Variants in LIPC observed in about 807,000 individuals in gnomAD.
LIPC encodes the protein hepatic triacylglycerol lipase.
LIPC carries 44 observed loss-of-function variants against 50.7 expected under a neutral mutation model. The observed-to-expected ratio is 0.87, with a 90% CI of 0.68 to 1.11. The LOEUF (loss-of-function observed/expected upper bound fraction) is 1.11. Ranked by LOEUF, LIPC falls within the 50% of genes most tolerant of loss-of-function variation. LIPC has a pLI of 0.00. For synonymous variants in LIPC, 271 were observed against 256.4 expected (o/e 1.06, Z -0.54); for missense variants, 697 against 648.2 (o/e 1.08, Z -0.82).
chr15:58,537,671 C>T (rs1893177136), intron 1 of LIPC, among the ~76,000 whole-genome samples: 1 of 152,282 alleles, frequency 6.6e-6, no homozygotes, highest in Non-Finnish European at 1.5e-5. Context: ...AACACACACA[C>T]ACACTCAATC....
At chr15:58,493,016 C>T (rs1239747112) in intron 1 of LIPC, among the ~76,000 whole-genome samples, 3 of 152,114 alleles carry the variant, frequency 2.0e-5, no homozygotes, top group Non-Finnish European at 1.5e-5. Flanking sequence ...GCCAGGTGCT[C>T]TTCCATTCTC....
chr15:58,441,248 T>C (rs1331220192), intron 1 of LIPC, among the ~76,000 whole-genome samples: 1 of 152,242 alleles, frequency 6.6e-6, no homozygotes, highest in Non-Finnish European at 1.5e-5. Flanking sequence ...TATGAATTGC[T>C]ATGCTTAACA....
chr15:58,566,535 T>A (rs1157065708), intron 8 of LIPC: 4 of 792,826 alleles, frequency 5.0e-6, no homozygotes, highest in Non-Finnish European at 6.1e-6. Context: ...ATGGGAACAT[T>A]AAACTCTACA....
chr15:58,471,389 C>G (rs1334112421), intron 1 of LIPC, among the ~76,000 whole-genome samples: 2 of 150,586 alleles, frequency 1.3e-5, no homozygotes, highest in African/African-American at 4.9e-5. Flanking sequence ...CTCAAATGAT[C>G]CACCAGCCTT....
intron 6 of LIPC, among the ~76,000 whole-genome samples, chr15:58,549,035 G>A (rs555298588): frequency 6.6e-6 from 1 of 152,282 alleles, no homozygotes; most frequent in East Asian, 1.9e-4. Flanking sequence ...GATCTGATAG[G>A]ACATGATATT....
At chr15:58,466,602 A>G (rs1894573703) in intron 1 of LIPC, among the ~76,000 whole-genome samples, 1 of 152,238 alleles carries the variant, frequency 6.6e-6, no homozygotes. Flanking sequence ...GCGAAGACCA[A>G]AATTCTTCTC....
At chr15:58,556,248 T>G (rs1319769101) in intron 6 of LIPC, among the ~76,000 whole-genome samples, 1 of 152,198 alleles carries the variant, frequency 6.6e-6, no homozygotes, top group Non-Finnish European at 1.5e-5. Context: ...GCCTGTGAAG[T>G]ACTCCTTGGA....
At chr15:58,451,550 T>G (rs988565269) in intron 1 of LIPC, among the ~76,000 whole-genome samples, 1 of 152,108 alleles carries the variant, frequency 6.6e-6, no homozygotes, top group Non-Finnish European at 1.5e-5. Flanking sequence ...CAGAAATGAT[T>G]CTGGCCAGGT....
chr15:58,476,490 G>T (rs1457186986), intron 1 of LIPC, among the ~76,000 whole-genome samples: 1 of 152,242 alleles, frequency 6.6e-6, no homozygotes, highest in African/African-American at 2.4e-5. Flanking sequence ...GTTGGAGTCA[G>T]TCCCCTCCTG....
chr15:58,541,565 T>G (rs1283608245), intron 2 of LIPC, among the ~76,000 whole-genome samples: 1 of 152,126 alleles, frequency 6.6e-6, no homozygotes, highest in East Asian at 1.9e-4. Context: ...TGGGTGTTGC[T>G]GGCATCTAGT....
intron 1 of LIPC, among the ~76,000 whole-genome samples, chr15:58,536,081 C>T (rs1312640533): frequency 3.9e-5 from 6 of 152,180 alleles, no homozygotes; most frequent in African/African-American, 7.2e-5. Context: ...TAAATCACCC[C>T]GCTGCAGGGC....
chr15:58,511,521 C>G (rs927989998), intron 1 of LIPC, among the ~76,000 whole-genome samples: 9 of 152,198 alleles, frequency 5.9e-5, no homozygotes, highest in African/African-American at 2.2e-4. Flanking sequence ...AGGGCCCAGG[C>G]AAGTTCTCAG....
Position 58,472,270 on chromosome 15 carries a change from C to CAAA in LIPC, c.88+40171_88+40173dup, listed in dbSNP as rs35901617. Among the ~76,000 whole-genome samples the CAAA allele has an allele frequency of 5.5e-3, 481 of 87,566 alleles. 2 individuals are homozygous for CAAA. Among genetic ancestry groups the CAAA allele is most frequent in the East Asian group, 0.015 (44 of 2,852 alleles). The allele number at this position is 87,566 out of a possible 152,430, so 57.4% of individuals were successfully genotyped here. On this transcript the variant is annotated intron_variant, in intron 1 of 8. Transcript: ENST00000299022. ...TGGGCAACAGAGTGACATTTGGTCT[C>CAAA]AAAAAAAAAAAAAAAAAAAAAAAGA...
intron 1 of LIPC, among the ~76,000 whole-genome samples, chr15:58,482,728 G>C (rs2140778830): frequency 6.6e-6 from 1 of 152,272 alleles, no homozygotes; most frequent in Admixed American, 6.5e-5. Flanking sequence ...CTGTATTTCT[G>C]AGGTAACATT....
intron 4 of LIPC, 56 bp downstream of exon 4, chr15:58,542,707 A>T (rs1479254454): frequency 2.1e-5 from 24 of 1,165,374 alleles, no homozygotes; most frequent in Non-Finnish European, 2.8e-5. Context: ...GCATCCAACA[A>T]GGACCTGCTT....
chr15:58,547,431 G>C (rs1270243113), intron 5 of LIPC, among the ~76,000 whole-genome samples: 3 of 152,142 alleles, frequency 2.0e-5, no homozygotes, highest in Non-Finnish European at 4.4e-5. Context: ...CCTCCTAGTA[G>C]GTGCCCAAGG....
rs1894316314 is a variant in LIPC at position 58,565,118 on chromosome 15, A to T, written c.1388+1395A>T. On this transcript the variant is annotated intron_variant, in intron 8 of 8. Coordinates refer to ENST00000299022, the MANE Select transcript of LIPC (RefSeq NM_000236.3). Reference sequence around the variant, plus strand: ...TTATACAACCGCACTCTGAGATTTTATCTCCCTGGGATGCAAAATCCTGGC... The same window carrying T: ...TTATACAACCGCACTCTGAGATTTTTTCTCCCTGGGATGCAAAATCCTGGC... 8.1e-6 allele frequency: 11 copies of T among 1,362,108 alleles called. 1 individual carries two copies. Among genetic ancestry groups the T allele is most frequent in the Non-Finnish European group, 1.0e-5 (10 of 990,084 alleles). The allele number at this position is 1,362,108 out of a possible 1,614,324, so 84.4% of individuals were successfully genotyped here.
At chr15:58,437,758 A>G (rs1382059434) in intron 1 of LIPC, among the ~76,000 whole-genome samples, 1 of 152,188 alleles carries the variant, frequency 6.6e-6, no homozygotes, top group Non-Finnish European at 1.5e-5. Flanking sequence ...TTTGAGATAG[A>G]GTCCGGAGAT....
At chr15:58,565,121 T>G (rs1441446206) in intron 8 of LIPC, 11 of 1,389,224 alleles carry the variant, frequency 7.9e-6, no homozygotes, top group Middle Eastern at 1.8e-4. Context: ...AGATTTTATC[T>G]CCCTGGGATG....
Sources: allele counts gnomAD v4.1 joint callset (sites outside exome capture counted in the v4.1 genomes callset), GRCh38; gene constraint gnomAD v4.1.1; transcripts MANE v1.5; gene names NCBI Gene and HGNC (gene_info 2026-07-23, HGNC 2026-07-21).